The following DENND1A variants were observed in gnomAD, a reference collection of about 807,000 sequenced individuals.
The protein encoded by DENND1A is DENN domain-containing protein 1A.
In DENND1A, 51 loss-of-function variants were observed where a neutral mutation model predicts 113.7. The observed-to-expected ratio is 0.45, with a 90% CI of 0.36 to 0.57. DENND1A has a LOEUF of 0.57. Among genes scored for constraint, DENND1A ranks in the 20% least tolerant of loss-of-function variants. The probability of loss-of-function intolerance (pLI) is 0.00; values close to 1 mark genes in which losing one functional copy is unlikely to be tolerated. For missense variants in DENND1A, 1,258 were observed against 1,395.9 expected (o/e 0.90, Z 1.57); for synonymous variants, 565 against 570.8 (o/e 0.99, Z 0.14).
In DENND1A at chr9:123,402,533, A is replaced by G. The variant is rs1049469599; in HGVS notation, c.1631+869T>C. The G allele has an allele frequency of 7.5e-6, 4 of 534,710 alleles. No homozygotes were observed. The Admixed American group carries it at 7.8e-5, about 10-fold the overall frequency. The allele number at this position is 534,710 out of a possible 1,614,324, so 33.1% of individuals were successfully genotyped here. A position where few individuals can be genotyped will look rare whatever the true frequency, so the allele number is the denominator to read the frequency against. On this transcript the variant is annotated intron_variant, in intron 21 of 23. Transcript: ENST00000394215. ...ATGGGGGCCTCCCCCTTTCCACCCAAAGGACTTCAGGATCCCTGGGGTAGT... is the reference window on the plus strand; with the variant it reads ...ATGGGGGCCTCCCCCTTTCCACCCAGAGGACTTCAGGATCCCTGGGGTAGT...
rs371673835 is a variant in DENND1A at position 123,757,691 on chromosome 9, C to T, written c.302+12G>A. 1 of 1,613,280 alleles carries T rather than the reference C, an allele frequency of 6.2e-7. No individual in the cohort carries two copies. The highest frequency in any genetic ancestry group is 1.3e-5 in the African/African-American group (1 of 74,918). On this transcript the variant is annotated intron_variant, in intron 5 of 23. Coordinates refer to ENST00000394215, the MANE Select transcript of DENND1A (RefSeq NM_001352964.2). ...CAGAGAACAAGCCAACAGCCCAAGC[C>T]TTCTCCCTTACCTTAAGATACAGAA...
intron 3 of DENND1A, among the ~76,000 whole-genome samples, chr9:123,791,609 T>C (rs1454112464): frequency 2.0e-5 from 3 of 152,198 alleles, no homozygotes; most frequent in Admixed American, 6.5e-5. Context: ...ATGTATCAGA[T>C]ACCTTGCTCT....
chr9:123,417,356 T>C (rs1214377113), intron 19 of DENND1A, among the ~76,000 whole-genome samples: 1 of 152,258 alleles, frequency 6.6e-6, no homozygotes, highest in African/African-American at 2.4e-5. Flanking sequence ...CTTCTATTTA[T>C]ATGATGTGTT....
In DENND1A at chr9:123,483,901, A is replaced by C. The variant is rs892908276; in HGVS notation, c.994-26004T>G. ...TGTGGGTTGTTGTTCTTTGTTTGAG[A>C]CACAGCTTAGTTTTTTTTGTGTTTT... On this transcript the variant is annotated intron_variant, in intron 13 of 23. Transcript: ENST00000394215. 3.3e-5 allele frequency among the ~76,000 whole-genome samples: 5 copies of C among 152,218 alleles called. 1 individual carries two copies. Among genetic ancestry groups the C allele is most frequent in the African/African-American group, 4.8e-5 (2 of 41,456 alleles).
chr9:123,768,812 T>C (rs1829258559), intron 4 of DENND1A, among the ~76,000 whole-genome samples: 1 of 147,166 alleles, frequency 6.8e-6, no homozygotes, highest in Non-Finnish European at 1.5e-5. Flanking sequence ...AAAAAAAAAC[T>C]CCTCTAAAAT....
intron 19 of DENND1A, among the ~76,000 whole-genome samples, chr9:123,439,360 CA>C (rs2046760282): frequency 6.6e-6 from 1 of 152,098 alleles, no homozygotes; most frequent in Non-Finnish European, 1.5e-5. Context: ...TTTTATGTTC[CA>C]ACCAACTCAC....
chr9:123,385,640 T>C (rs961357371), intron 22 of DENND1A, among the ~76,000 whole-genome samples: 2 of 152,148 alleles, frequency 1.3e-5, no homozygotes, highest in Admixed American at 6.5e-5. Context: ...GTCCCAGTGA[T>C]GGGCAGGGAC....
chr9:123,658,113 G>A (rs898927045), intron 8 of DENND1A, among the ~76,000 whole-genome samples: 2 of 151,906 alleles, frequency 1.3e-5, no homozygotes, highest in East Asian at 3.9e-4. Flanking sequence ...ATATCATGGC[G>A]CATCTTTTGA....
chr9:123,419,744 G>A (rs530485765), intron 19 of DENND1A, among the ~76,000 whole-genome samples: 6 of 152,390 alleles, frequency 3.9e-5, no homozygotes, highest in East Asian at 1.9e-4. Flanking sequence ...GCATTGAAGC[G>A]ATATTTTTGT....
chr9:123,566,489 G>C (rs1589160079), intron 12 of DENND1A, among the ~76,000 whole-genome samples: 1 of 152,074 alleles, frequency 6.6e-6, no homozygotes, highest in African/African-American at 2.4e-5. Context: ...GAAAGTTAGT[G>C]GCAAGAGTTA....
chr9:123,846,320 G>A (rs1842611812), intron 2 of DENND1A, among the ~76,000 whole-genome samples: 1 of 152,186 alleles, frequency 6.6e-6, no homozygotes, highest in African/African-American at 2.4e-5. Context: ...ATTACCATAT[G>A]ATCCAGCAAT....
intron 4 of DENND1A, among the ~76,000 whole-genome samples, chr9:123,765,059 T>C (rs2071353488): frequency 6.6e-6 from 1 of 152,208 alleles, no homozygotes; most frequent in African/African-American, 2.4e-5. Context: ...GATAAGATGT[T>C]AATACACTGG....
chr9:123,442,733 T>C (rs939698897), intron 18 of DENND1A, among the ~76,000 whole-genome samples: 2 of 152,240 alleles, frequency 1.3e-5, no homozygotes, highest in African/African-American at 4.8e-5. Flanking sequence ...TAGTTCACGC[T>C]TATAAGTAAA....
intron 5 of DENND1A, among the ~76,000 whole-genome samples, chr9:123,711,513 G>GTGTATATATGTATATATATATA (rs1369120234): frequency 8.3e-6 from 1 of 121,008 alleles, no homozygotes; most frequent in Non-Finnish European, 1.7e-5. Context: ...ATGTATATAT[G>GTGTATATATGTATATATATATA]TATATATATA....
At chr9:123,613,226 T>C (rs2060496740) in intron 10 of DENND1A, among the ~76,000 whole-genome samples, 1 of 152,118 alleles carries the variant, frequency 6.6e-6, no homozygotes, top group African/African-American at 2.4e-5. Context: ...GGAAAAACTA[T>C]CAATGAAACA....
At chr9:123,810,905 C>G (rs1191090940) in intron 2 of DENND1A, among the ~76,000 whole-genome samples, 1 of 152,036 alleles carries the variant, frequency 6.6e-6, no homozygotes, top group Non-Finnish European at 1.5e-5. Flanking sequence ...ATTACAGGCA[C>G]CTACCACCAC....
At chr9:123,580,396 C>T (rs1000971951) in intron 12 of DENND1A, among the ~76,000 whole-genome samples, 36 of 152,348 alleles carry the variant, frequency 2.4e-4, no homozygotes, top group African/African-American at 8.2e-4. Flanking sequence ...TTATGCTATA[C>T]TGTAATAGAT....
intron 5 of DENND1A, among the ~76,000 whole-genome samples, chr9:123,697,556 AGTCCCCGAAGTCCATT>A (rs894465746): frequency 7.9e-5 from 12 of 152,232 alleles, no homozygotes; most frequent in Middle Eastern, 3.4e-3. Context: ...CTTCCCCTCA[AGTCCCCGAAGTCCATT>A]GTATCATTCT....
intron 1 of DENND1A, among the ~76,000 whole-genome samples, chr9:123,905,636 C>T (rs1239176736): frequency 2.7e-5 from 4 of 149,126 alleles, no homozygotes; most frequent in Non-Finnish European, 6.0e-5. Context: ...GTAAAGGGAT[C>T]AATTCAACAA....
Sources: gnomAD v4.1 joint callset for allele counts (sites outside exome capture counted in the v4.1 genomes callset) on GRCh38, gnomAD v4.1.1 for gene constraint, MANE v1.5 for transcripts, NCBI Gene and HGNC (gene_info 2026-07-23, HGNC 2026-07-21) for gene names.